The following WDFY3 variants were observed in gnomAD, a reference collection of about 807,000 sequenced individuals.
WDFY3 encodes the protein WD repeat and FYVE domain containing 3.
In WDFY3, 66 loss-of-function variants were observed where a neutral mutation model predicts 409.6. The observed-to-expected ratio is 0.16, with a 90% CI of 0.13 to 0.20. WDFY3 has a LOEUF of 0.20. Ranked by LOEUF, WDFY3 falls within the 10% of genes least tolerant of loss-of-function variation. WDFY3 has a pLI of 1.00. For synonymous variants in WDFY3, 1,521 were observed against 1,537.1 expected (o/e 0.99, Z 0.25); for missense variants, 3,031 against 4,298.1 (o/e 0.71, Z 8.24).
chr4:84,678,438 A>T (rs1726739152), intron 65 of WDFY3, among the ~76,000 whole-genome samples, 159 bp from the exon 66 acceptor site: 2 of 152,224 alleles, frequency 1.3e-5, no homozygotes, highest in Non-Finnish European at 2.9e-5. Flanking sequence ...TTGAAAGTAA[A>T]GCTACCTAGC....
intron 4 of WDFY3, among the ~76,000 whole-genome samples, chr4:84,851,858 T>C (rs1477132339): frequency 3.3e-5 from 5 of 152,182 alleles, no homozygotes; most frequent in Admixed American, 6.5e-5. Context: ...TTTTTTACTA[T>C]AATACATACC....
chr4:84,948,947 A>T (rs768278328), intron 1 of WDFY3, among the ~76,000 whole-genome samples: 1 of 152,068 alleles, frequency 6.6e-6, no homozygotes, highest in Non-Finnish European at 1.5e-5. Flanking sequence ...CCTATTTCAG[A>T]TTCCATATGC....
chr4:84,817,656 A>G (rs1753496649), intron 12 of WDFY3, 71 bp from the exon 13 acceptor site: 2 of 1,346,430 alleles, frequency 1.5e-6, no homozygotes, highest in East Asian at 2.4e-5. Context: ...ATGAATTAAC[A>G]TTCAGTTATT....
chr4:84,745,451 C>A (rs985010746), intron 36 of WDFY3, among the ~76,000 whole-genome samples: 3 of 152,038 alleles, frequency 2.0e-5, no homozygotes, highest in African/African-American at 7.2e-5. Context: ...GTTCTATTTT[C>A]CCTTCTATTC....
chr4:84,783,618 T>C (rs567539425), intron 24 of WDFY3, among the ~76,000 whole-genome samples: 26 of 152,280 alleles, frequency 1.7e-4, no homozygotes, highest in African/African-American at 5.8e-4. Context: ...AGTTTAAAGG[T>C]TGTTATCACT....
intron 8 of WDFY3, among the ~76,000 whole-genome samples, chr4:84,830,722 C>T (rs940282598): frequency 3.3e-5 from 5 of 152,138 alleles, no homozygotes; most frequent in Admixed American, 2.6e-4. Context: ...TGCTGCATGA[C>T]AGATTATTAC....
intron 3 of WDFY3, among the ~76,000 whole-genome samples, chr4:84,872,357 T>C (rs1451257310): frequency 6.6e-6 from 1 of 151,274 alleles, no homozygotes; most frequent in East Asian, 1.9e-4. Context: ...CCCAGCTACT[T>C]GGGAGACTGA....
At chr4:84,707,377 G>C (rs1195261135) in intron 53 of WDFY3, among the ~76,000 whole-genome samples, 1 of 152,178 alleles carries the variant, frequency 6.6e-6, no homozygotes, top group East Asian at 1.9e-4. Context: ...AGGAGGGCCT[G>C]AAATGAGACA....
rs1747514835 is a variant in WDFY3 at position 84,786,154 on chromosome 4, T to C, written c.3902-15A>G. On this transcript the variant is annotated splice_polypyrimidine_tract_variant and intron_variant, in intron 23 of 67. Coordinates refer to ENST00000295888, the MANE Select transcript of WDFY3 (RefSeq NM_014991.6). Reference sequence around the variant, plus strand: ...TGCATCTTTACCTTCAAAAGAAGAATAATTCTTTTCAAAATCATCAGTAGT... The same window carrying C: ...TGCATCTTTACCTTCAAAAGAAGAACAATTCTTTTCAAAATCATCAGTAGT... 1 of 1,580,024 alleles carries C rather than the reference T, an allele frequency of 6.3e-7. No individual in the cohort carries two copies. The highest frequency in any genetic ancestry group is 1.2e-5 in the South Asian group (1 of 85,804).
At chr4:84,859,308 G>A (rs1309443833) in intron 4 of WDFY3, among the ~76,000 whole-genome samples, 2 of 152,180 alleles carry the variant, frequency 1.3e-5, no homozygotes, top group Non-Finnish European at 2.9e-5. Context: ...AAAGGATGAG[G>A]AGGGCAGCAT....
rs1463187032 is a variant in WDFY3 at position 84,810,232 on chromosome 4, C to G, written c.2000G>C (p.Cys667Ser). ...TTTCTCCCAGCCATTCTTGGGTGGACAGCTCAAAGATCTTTCCATAGCAAC... is the reference window on the plus strand; with the variant it reads ...TTTCTCCCAGCCATTCTTGGGTGGAGAGCTCAAAGATCTTTCCATAGCAAC... The part of the protein sequence containing the change: ...LLVAMERSLS[C>S]PPKNGWEKVN... The change falls in exon 14 of 68, where the codon TGT becomes TCT. Residue 667 changes from cysteine to serine, a missense_variant. Cys to Ser is a moderately radical substitution (Grantham distance 112). Coordinates refer to ENST00000295888, the MANE Select transcript of WDFY3 (RefSeq NM_014991.6). 6.2e-7 allele frequency: 1 copy of G among 1,614,080 alleles called. No individual in the cohort carries two copies. The highest frequency in any genetic ancestry group is 1.1e-5 in the South Asian group (1 of 91,082).
intron 2 of WDFY3, among the ~76,000 whole-genome samples, chr4:84,931,794 G>A: frequency 6.6e-6 from 1 of 151,922 alleles, no homozygotes; most frequent in Non-Finnish European, 1.5e-5. Flanking sequence ...TAACAACAAA[G>A]TAAAGTAAAG....
chr4:84,943,795 A>C lies in WDFY3; in HGVS notation c.-225-11432T>G, dbSNP rs144758645. Among the ~76,000 whole-genome samples the C allele has an allele frequency of 2.9e-4, 44 of 152,322 alleles. 1 individual carries two copies. The East Asian group carries it at 7.5e-3, about 26-fold the overall frequency. On this transcript the variant is annotated intron_variant, in intron 1 of 67. Coordinates refer to ENST00000295888, the MANE Select transcript of WDFY3 (RefSeq NM_014991.6). ...GCCTAAGGGTGATACAATTTGGCCT[A>C]CACATACTAAAAACTGGAAAATAAG...
At position 84,712,882 on chromosome 4, in the gene WDFY3, A is replaced by G. The variant is rs1443023787; in HGVS notation, c.8042+277T>C. On this transcript the variant is annotated intron_variant, in intron 51 of 67. Transcript: ENST00000295888. The stretch of plus-strand genomic sequence containing the variant: ...ATATAACACTGAATAGAAGAAGCAG[A>G]ATAAAAACTTGTATTTAGAGTATAA... Among the ~76,000 whole-genome samples, 3 of 152,354 alleles carry G rather than the reference A, an allele frequency of 2.0e-5. 1 individual carries two copies. In the South Asian group the frequency reaches 6.2e-4, roughly 32 times the overall value.
chr4:84,795,398 T>A (rs1749222957), intron 19 of WDFY3, among the ~76,000 whole-genome samples: 1 of 152,198 alleles, frequency 6.6e-6, no homozygotes, highest in South Asian at 2.1e-4. Flanking sequence ...CATGATAATA[T>A]TCTTAAAACA....
chr4:84,751,329 T>C (rs1740479643), intron 36 of WDFY3, 154 bp downstream of exon 36: 1 of 729,136 alleles, frequency 1.4e-6, no homozygotes, highest in East Asian at 2.7e-5. Context: ...TTAAAGCACA[T>C]GTGGGATTAA....
Position 84,757,148 on chromosome 4 carries a change from G to A in WDFY3, c.5202C>T (p.Gly1734=). The A allele has an allele frequency of 6.2e-7, 1 of 1,613,504 alleles. No individual in the cohort carries two copies. ...CCGTCGATCTCCCACCAGCACTTCTGCCCACGTTGAATCCTAAGAGAAGAG... is the reference window on the plus strand; with the variant it reads ...CCGTCGATCTCCCACCAGCACTTCTACCCACGTTGAATCCTAAGAGAAGAG... ...KIGTVLGFNV[G]RSAGGRSTVR... is the part of the protein sequence containing the mutation. The change falls in exon 33 of 68, where the codon GGC becomes GGT. Residue 1734 remains glycine, a synonymous_variant. Transcript: ENST00000295888.
intron 15 of WDFY3, among the ~76,000 whole-genome samples, chr4:84,805,735 T>C (rs1751399897): frequency 6.6e-6 from 1 of 152,216 alleles, no homozygotes; most frequent in African/African-American, 2.4e-5. Flanking sequence ...ATCAGGTATG[T>C]AGAGGCACTA....
At position 84,821,127 on chromosome 4, in the gene WDFY3, A is replaced by G; in HGVS notation, c.1548T>C (p.Tyr516=). 6.2e-7 allele frequency: 1 copy of G among 1,613,530 alleles called. No homozygotes were observed. The highest frequency in any genetic ancestry group is 8.5e-7 in the Non-Finnish European group (1 of 1,179,726). The change falls in exon 11 of 68, where the codon TAT becomes TAC. Residue 516 remains tyrosine (Y), a synonymous_variant. Transcript: ENST00000295888. Reference sequence around the variant, plus strand: ...GAGTTGGATCCTTCAACAGGGCAGCATATTTATGCAAAAGGTTTACCATGA... The same window carrying G: ...GAGTTGGATCCTTCAACAGGGCAGCGTATTTATGCAAAAGGTTTACCATGA... ...LEVMVNLLHK[Y]AALLKDPTQA... is the part of the protein sequence containing the mutation.
Sources: allele counts gnomAD v4.1 joint callset (sites outside exome capture counted in the v4.1 genomes callset), GRCh38; gene constraint gnomAD v4.1.1; transcripts MANE v1.5; gene names NCBI Gene and HGNC (gene_info 2026-07-23, HGNC 2026-07-21).